The following SPARC variants were observed in gnomAD, a reference collection of about 807,000 sequenced individuals.
SPARC encodes secreted protein acidic and cysteine rich.
SPARC carries 23 observed loss-of-function variants against 37.7 expected under a neutral mutation model. That is an observed-to-expected ratio of 0.61 (90% CI 0.44 to 0.87). SPARC has a LOEUF of 0.87. Among genes scored for constraint, SPARC ranks in the 40% least tolerant of loss-of-function variants. The probability of loss-of-function intolerance (pLI) is 0.00; values close to 1 mark genes in which losing one functional copy is unlikely to be tolerated. For synonymous variants in SPARC, 155 were observed against 150.8 expected (o/e 1.03, Z -0.20); for missense variants, 312 against 389.0 (o/e 0.80, Z 1.66).
Position 151,673,197 on chromosome 5 carries a change from G to C in SPARC, c.140C>G (p.Pro47Arg). 1 of 1,613,204 alleles carries C rather than the reference G, an allele frequency of 6.2e-7. No individual in the cohort carries two copies. The highest frequency in any genetic ancestry group is 8.5e-7 in the Non-Finnish European group (1 of 1,179,150). The change falls in exon 4 of 10, where the codon CCT (proline) becomes CGT (arginine). Residue 47 changes from proline to arginine, a missense_variant. Pro to Arg is a moderately radical substitution (Grantham distance 103). Coordinates refer to ENST00000231061, the MANE Select transcript of SPARC (RefSeq NM_003118.4). ...AAATTCTCCTACTTCCACCTGGACAGGATTAGCTCCCACAGATACCTGGAA... is the reference window on the plus strand; with the variant it reads ...AAATTCTCCTACTTCCACCTGGACACGATTAGCTCCCACAGATACCTGGAA... ...EVTEVSVGAN[P>R]VQVEVGEFDD...
chr5:151,665,330 C>T (rs555637351), intron 8 of SPARC, among the ~76,000 whole-genome samples: 122 of 152,274 alleles, frequency 8.0e-4, no homozygotes, highest in Non-Finnish European at 3.5e-4. Flanking sequence ...CCCCTCCCTG[C>T]CATAATGAGT....
rs541193272 is a variant in SPARC at position 151,683,494 on chromosome 5, A to G, written c.-14+3371T>C. 2.0e-5 allele frequency among the ~76,000 whole-genome samples: 3 copies of G among 152,202 alleles called. No individual in the cohort carries two copies. The East Asian group carries it at 5.8e-4, about 29-fold the overall frequency. ...CTTGCTATGTGACCTCCAGTGAGTT[A>G]TTTTCTCTTCCTGAGCCTCAGTTTC... On this transcript the variant is annotated intron_variant, in intron 1 of 9. Transcript: ENST00000231061.
In SPARC at chr5:151,663,733, C is replaced by G. The variant is rs1187262297; in HGVS notation, c.884-134G>C. 9 of 814,124 alleles carry G rather than the reference C, an allele frequency of 1.1e-5. No homozygotes were observed. In the Admixed American group the frequency reaches 1.3e-4, roughly 11 times the overall value. 50.4% of individuals were successfully genotyped at this position (814,124 alleles called of 1,614,324 possible). On this transcript the variant is annotated intron_variant, in intron 9 of 9. Coordinates refer to ENST00000231061, the MANE Select transcript of SPARC (RefSeq NM_003118.4). ...GGCCATGCAAGGTCACCCAGGAAGTCAGTGACGGAGGAATCTCGCTCTCTC... is the reference window on the plus strand; with the variant it reads ...GGCCATGCAAGGTCACCCAGGAAGTGAGTGACGGAGGAATCTCGCTCTCTC...
chr5:151,662,258 A>T lies in SPARC; in HGVS notation c.*1313T>A, dbSNP rs1760521153. The stretch of plus-strand genomic sequence containing the variant: ...AGCTAACTTAGTGCTTACAGGAACC[A>T]TACACTCCCTGTGTATAAACATGCC... On this transcript the variant is annotated 3_prime_UTR_variant, in exon 10 of 10. Coordinates refer to ENST00000231061, the MANE Select transcript of SPARC (RefSeq NM_003118.4). 6.6e-6 allele frequency: 1 copy of T among 152,658 alleles called. No individual in the cohort carries two copies. Among genetic ancestry groups the T allele is most frequent in the Admixed American group, 6.5e-5 (1 of 15,284 alleles). 9.5% of individuals were successfully genotyped at this position (152,658 alleles called of 1,614,324 possible). A position where few individuals can be genotyped will look rare whatever the true frequency, so the allele number is the denominator to read the frequency against.
intron 9 of SPARC, 73 bp from the exon 10 acceptor site, chr5:151,663,672 G>A: frequency 1.4e-6 from 2 of 1,457,218 alleles, no homozygotes; most frequent in Non-Finnish European, 1.9e-6. Flanking sequence ...AGGAGTCAGT[G>A]GACTCCCACC....
At chr5:151,682,489 G>A (rs911392631) in intron 1 of SPARC, among the ~76,000 whole-genome samples, 9 of 151,904 alleles carry the variant, frequency 5.9e-5, no homozygotes, top group African/African-American at 1.9e-4. Flanking sequence ...TGACAAACAC[G>A]TGGCCTCCAC....
chr5:151,684,872 A>C lies in SPARC; in HGVS notation c.-14+1993T>G, dbSNP rs149865816. 4.3e-3 allele frequency among the ~76,000 whole-genome samples: 650 copies of C among 152,318 alleles called. 2 individuals carry two copies. The highest frequency in any genetic ancestry group is 6.6e-3 in the Non-Finnish European group (448 of 68,022). On this transcript the variant is annotated intron_variant, in intron 1 of 9. Transcript: ENST00000231061. ...CAGGGCACAGCCAGAGCTAAAACCC[A>C]GGTCTTCAAACACCCTTGCAAGGAG...
intron 7 of SPARC, 79 bp downstream of exon 7, chr5:151,667,388 T>G: frequency 1.3e-6 from 2 of 1,571,170 alleles, no homozygotes; most frequent in East Asian, 4.5e-5. Context: ...GATGCCGCCC[T>G]GCAGCTGGGG....
intron 5 of SPARC, 141 bp from the exon 6 acceptor site, chr5:151,669,925 G>A (rs753185200): frequency 2.8e-5 from 34 of 1,212,918 alleles, no homozygotes; most frequent in Non-Finnish European, 3.7e-5. Context: ...GTGAGTTAGT[G>A]ATAGGGCTGG....
At chr5:151,664,023 C>CA in intron 9 of SPARC, 64 bp downstream of exon 9, 1 of 1,594,372 alleles carries the variant, frequency 6.3e-7, no homozygotes. Flanking sequence ...GGGGGGATGA[C>CA]AACCCAGCAC....
chr5:151,665,990 C>T (rs755783102), intron 8 of SPARC, among the ~76,000 whole-genome samples: 1 of 152,200 alleles, frequency 6.6e-6, no homozygotes, highest in African/African-American at 2.4e-5. Flanking sequence ...GGCTGCTCTG[C>T]CCCTGGATGT....
chr5:151,682,475 T>C (rs531824705), intron 1 of SPARC, among the ~76,000 whole-genome samples: 1 of 152,208 alleles, frequency 6.6e-6, no homozygotes, highest in East Asian at 1.9e-4. Flanking sequence ...ATATGTGGCA[T>C]ATGTGACAAA....
At position 151,662,057 on chromosome 5, in the gene SPARC, C is replaced by G. The variant is rs932459402; in HGVS notation, c.*1514G>C. On this transcript the variant is annotated 3_prime_UTR_variant, in exon 10 of 10. Coordinates refer to ENST00000231061, the MANE Select transcript of SPARC (RefSeq NM_003118.4). Reference sequence around the variant, plus strand: ...AAATGCTTTGTCTACTTTGCCATAACTGTGTCCCCAGTGCTTGGCATGGGA... The same window carrying G: ...AAATGCTTTGTCTACTTTGCCATAAGTGTGTCCCCAGTGCTTGGCATGGGA... The G allele has an allele frequency of 6.6e-6, 1 of 152,552 alleles. No individual in the cohort carries two copies. The highest frequency in any genetic ancestry group is 1.5e-5 in the Non-Finnish European group (1 of 68,038). The allele number at this position is 152,552 out of a possible 1,614,324, so 9.4% of individuals were successfully genotyped here.
intron 3 of SPARC, among the ~76,000 whole-genome samples, chr5:151,673,653 G>C (rs1760793555): frequency 6.6e-6 from 1 of 152,166 alleles, no homozygotes; most frequent in African/African-American, 2.4e-5. Flanking sequence ...AGGACTCAAA[G>C]GAATGCAACC....
In SPARC at chr5:151,674,650, T is replaced by C; in HGVS notation, c.82A>G (p.Thr28Ala). The C allele has an allele frequency of 6.2e-7, 1 of 1,614,144 alleles. No homozygotes were observed. The highest frequency in any genetic ancestry group is 8.5e-7 in the Non-Finnish European group (1 of 1,180,024). The change falls in exon 3 of 10, where the codon ACA becomes GCA. Residue 28 changes from threonine (T) to alanine (A), a missense_variant. Coordinates refer to ENST00000231061, the MANE Select transcript of SPARC (RefSeq NM_003118.4). ...APQQEALPDE[T>A]EVVEETVAEV... ...GCCACAGTTTCTTCCACCACCTCTG[T>C]CTCATCAGGCAGGGCTTCTTGCTGC...
chr5:151,667,037 A>T (rs1760638874), intron 7 of SPARC, among the ~76,000 whole-genome samples: 1 of 152,162 alleles, frequency 6.6e-6, no homozygotes, highest in Non-Finnish European at 1.5e-5. Context: ...AAATAAAATA[A>T]ACATAAATCA....
chr5:151,669,750 G>A lies in SPARC; in HGVS notation c.365C>T (p.Ser122Phe). The A allele has an allele frequency of 6.2e-7, 1 of 1,614,216 alleles. No individual in the cohort carries two copies. Among genetic ancestry groups the A allele is most frequent in the Non-Finnish European group, 8.5e-7 (1 of 1,180,042 alleles). The change falls in exon 6 of 10, where the codon TCC becomes TTC. Residue 122 changes from serine to phenylalanine, a missense_variant. Transcript: ENST00000231061. The stretch of plus-strand genomic sequence containing the variant: ...GCACTTTGTGGCAAAGAAGTGGCAG[G>A]AAGAGTCGAAGGTCTTGTTGTCATT... ...CSNDNKTFDSSCHFFATKCTL... is the reference protein window; with the variant it reads ...CSNDNKTFDSFCHFFATKCTL...
chr5:151,672,887 C>A, intron 4 of SPARC: 1 of 517,720 alleles, frequency 1.9e-6, no homozygotes, highest in Non-Finnish European at 3.5e-6. Flanking sequence ...CCATTTCCAG[C>A]TGGAGAACTC....
At position 151,666,518 on chromosome 5, in the gene SPARC, G is replaced by A. The variant is rs1277642641; in HGVS notation, c.586-9C>T. ...TCATGGATCTTCTTCACCTGAGGGA[G>A]TAGAGACTGTGTGTGACAAGAGGTC... On this transcript the variant is annotated splice_polypyrimidine_tract_variant and intron_variant, in intron 7 of 9. Coordinates refer to ENST00000231061, the MANE Select transcript of SPARC (RefSeq NM_003118.4). The A allele has an allele frequency of 6.2e-7, 1 of 1,612,776 alleles. No individual in the cohort carries two copies. Among genetic ancestry groups the A allele is most frequent in the Non-Finnish European group, 8.5e-7 (1 of 1,179,386 alleles).
Sources: allele counts gnomAD v4.1 joint callset (sites outside exome capture counted in the v4.1 genomes callset), GRCh38; gene constraint gnomAD v4.1.1; transcripts MANE v1.5; gene names NCBI Gene and HGNC (gene_info 2026-07-23, HGNC 2026-07-21).